The following ABTB2 variants were observed in gnomAD, a reference collection of about 807,000 sequenced individuals.
The protein encoded by ABTB2 is ankyrin repeat and BTB/POZ domain-containing protein 2.
ABTB2 carries 56 observed loss-of-function variants against 104.1 expected under a neutral mutation model. That is an observed-to-expected ratio of 0.54 (90% CI 0.43 to 0.67). ABTB2 has a LOEUF of 0.67. Ranked by LOEUF, ABTB2 falls within the 30% of genes least tolerant of loss-of-function variation. The pLI is 0.00. For missense variants in ABTB2, 1,279 were observed against 1,407.7 expected (o/e 0.91, Z 1.46); for synonymous variants, 606 against 608.2 (o/e 1.00, Z 0.05).
intron 14 of ABTB2, among the ~76,000 whole-genome samples, chr11:34,157,996 A>C (rs1852653092): frequency 6.6e-6 from 1 of 152,170 alleles, no homozygotes. Flanking sequence ...CTCCTCTACC[A>C]AGAGGGGATA....
intron 7 of ABTB2, among the ~76,000 whole-genome samples, chr11:34,166,509 A>G (rs1245735999): frequency 6.6e-6 from 1 of 151,894 alleles, no homozygotes; most frequent in African/African-American, 2.4e-5. Context: ...CCACTCGCTG[A>G]GTCCTTGTGA....
intron 1 of ABTB2, among the ~76,000 whole-genome samples, chr11:34,327,275 A>T (rs538294663): frequency 1.3e-5 from 2 of 152,352 alleles, no homozygotes; most frequent in Admixed American, 1.3e-4. Flanking sequence ...GATAAAGTAG[A>T]CTTCACAGCA....
At chr11:34,189,691 T>A (rs1357267066) in intron 3 of ABTB2, among the ~76,000 whole-genome samples, 1 of 152,076 alleles carries the variant, frequency 6.6e-6, no homozygotes, top group Non-Finnish European at 1.5e-5. Flanking sequence ...ACAAAAGTCC[T>A]TCTATGACTC....
intron 3 of ABTB2, among the ~76,000 whole-genome samples, chr11:34,184,281 C>A (rs923299272): frequency 4.6e-5 from 7 of 152,204 alleles, no homozygotes; most frequent in Admixed American, 2.6e-4. Context: ...ACAGCTATTG[C>A]ACAGGAGAGT....
chr11:34,215,372 T>G (rs1241217426), intron 1 of ABTB2, among the ~76,000 whole-genome samples: 1 of 152,154 alleles, frequency 6.6e-6, no homozygotes, highest in African/African-American at 2.4e-5. Context: ...CCTTGAGAGT[T>G]TAAGGAAAAG....
intron 6 of ABTB2, 44 bp downstream of exon 6, chr11:34,167,859 C>T (rs1173967372): frequency 1.9e-6 from 3 of 1,598,544 alleles, no homozygotes; most frequent in Non-Finnish European, 2.6e-6. Context: ...GGAGTGATCC[C>T]TGCTGGCCTA....
chr11:34,347,487 C>T (rs1185806523), intron 1 of ABTB2, among the ~76,000 whole-genome samples: 1 of 150,634 alleles, frequency 6.6e-6, no homozygotes, highest in Non-Finnish European at 1.5e-5. Flanking sequence ...GGCCTCAAGT[C>T]ACTAACTACA....
At chr11:34,226,033 G>A (rs1464742164) in intron 1 of ABTB2, among the ~76,000 whole-genome samples, 4 of 151,544 alleles carry the variant, frequency 2.6e-5, no homozygotes, top group East Asian at 1.9e-4. Flanking sequence ...GTGAAACCCC[G>A]TCTCTACCAA....
chr11:34,235,664 T>A (rs1404751270), intron 1 of ABTB2, among the ~76,000 whole-genome samples: 1 of 152,130 alleles, frequency 6.6e-6, no homozygotes, highest in Non-Finnish European at 1.5e-5. Context: ...CAGGACCTGA[T>A]TGGGGATCTC....
chr11:34,352,695 T>C (rs1314552286), intron 1 of ABTB2, among the ~76,000 whole-genome samples: 2 of 152,240 alleles, frequency 1.3e-5, no homozygotes, highest in African/African-American at 4.8e-5. Context: ...ATGTCCCATT[T>C]TGCAGATGAC....
intron 3 of ABTB2, 96 bp from the exon 4 acceptor site, chr11:34,173,403 G>T: frequency 7.1e-7 from 1 of 1,413,008 alleles, no homozygotes; most frequent in African/African-American, 1.4e-5. Flanking sequence ...TTGTGGGGCA[G>T]CAGAGAGAGG....
At chr11:34,248,088 A>ATTTTTTT (rs377220875) in intron 1 of ABTB2, among the ~76,000 whole-genome samples, 11 of 78,368 alleles carry the variant, frequency 1.4e-4, no homozygotes, top group South Asian at 8.0e-4. Context: ...CTTATCTATA[A>ATTTTTTT]TTTTTCTTAA....
At chr11:34,257,645 G>A (rs1854140263) in intron 1 of ABTB2, among the ~76,000 whole-genome samples, 1 of 152,152 alleles carries the variant, frequency 6.6e-6, no homozygotes, top group South Asian at 2.1e-4. Flanking sequence ...CTGGAGTGCA[G>A]TGGTGCAAAC....
intron 1 of ABTB2, among the ~76,000 whole-genome samples, chr11:34,247,650 G>A (rs1854001980): frequency 6.6e-6 from 1 of 152,192 alleles, no homozygotes; most frequent in Admixed American, 6.5e-5. Context: ...TACATGTATT[G>A]AGGAGTCAAG....
At chr11:34,161,231 G>T (rs1852717499) in intron 10 of ABTB2, 150 bp from the exon 11 acceptor site, 1 of 711,060 alleles carries the variant, frequency 1.4e-6, no homozygotes, top group Non-Finnish European at 2.2e-6. Flanking sequence ...CCCTTCCTGG[G>T]CATGGAGTGG....
intron 1 of ABTB2, among the ~76,000 whole-genome samples, chr11:34,281,242 C>T (rs907274899): frequency 6.6e-6 from 1 of 152,190 alleles, no homozygotes; most frequent in African/African-American, 2.4e-5. Flanking sequence ...AAGACCTTCC[C>T]ACTCAGACAG....
At chr11:34,200,327 C>T (rs1479937987) in intron 2 of ABTB2, among the ~76,000 whole-genome samples, 1 of 152,178 alleles carries the variant, frequency 6.6e-6, no homozygotes, top group Non-Finnish European at 1.5e-5. Context: ...TTTGGCAGCA[C>T]ACTTCCTGCT....
chr11:34,199,981 G>T (rs1480079766), intron 2 of ABTB2, among the ~76,000 whole-genome samples: 1 of 152,136 alleles, frequency 6.6e-6, no homozygotes, highest in Non-Finnish European at 1.5e-5. Flanking sequence ...CCCAGGACAG[G>T]AGGAGTCTGC....
rs1852547314 is a variant in ABTB2 at position 34,151,987 on chromosome 11, A to G, written c.*400T>C. On this transcript the variant is annotated 3_prime_UTR_variant, in exon 17 of 17. Transcript: ENST00000435224. ...TCTATACATTCATAAGGATTCCTGT[A>G]CCCCCAGGAGCCCCAGTTGGGATGG... The G allele has an allele frequency of 8.7e-6, 2 of 228,690 alleles. No individual in the cohort carries two copies. Among genetic ancestry groups the G allele is most frequent in the South Asian group, 1.5e-4 (2 of 13,514 alleles). 14.2% of individuals were successfully genotyped at this position (228,690 alleles called of 1,614,324 possible).
Sources: allele counts gnomAD v4.1 joint callset (sites outside exome capture counted in the v4.1 genomes callset), GRCh38; gene constraint gnomAD v4.1.1; transcripts MANE v1.5; gene names NCBI Gene and HGNC (gene_info 2026-07-23, HGNC 2026-07-21).